The following DNAH14 variants were observed in gnomAD, a reference collection of about 807,000 sequenced individuals.
The protein encoded by DNAH14 is axonemal beta dynein heavy chain 14.
A neutral mutation model predicts 520.9 loss-of-function variants in DNAH14; 478 were observed. The ratio of observed to expected loss-of-function variants is 0.92; its 90% CI spans 0.85 to 0.99. The LOEUF (loss-of-function observed/expected upper bound fraction) is 0.99. Ranked by LOEUF, DNAH14 falls within the 50% of genes least tolerant of loss-of-function variation. The pLI is 0.00. For synonymous variants in DNAH14, 1,581 were observed against 1,757.2 expected (o/e 0.90, Z 2.51); for missense variants, 4,831 against 5,234.5 (o/e 0.92, Z 2.38).
chr1:225,077,565 C>T (rs574724616), intron 17 of DNAH14, among the ~76,000 whole-genome samples: 4 of 152,222 alleles, frequency 2.6e-5, no homozygotes, highest in African/African-American at 9.6e-5. Context: ...TCTACTGACA[C>T]GATCATTCTT....
intron 41 of DNAH14, among the ~76,000 whole-genome samples, chr1:225,212,747 G>A (rs947951541): frequency 1.3e-5 from 2 of 151,974 alleles, no homozygotes; most frequent in African/African-American, 2.4e-5. Flanking sequence ...ACTTTTTGAC[G>A]GGGCTGTTTG....
In DNAH14 at chr1:225,205,995, T is replaced by C. The variant is rs1334152328; in HGVS notation, c.6002T>C (p.Leu2001Pro). 6.4e-7 allele frequency: 1 copy of C among 1,551,608 alleles called. No individual in the cohort carries two copies. Among genetic ancestry groups the C allele is most frequent in the Non-Finnish European group, 8.7e-7 (1 of 1,146,826 alleles). The part of the protein sequence containing the change: ...NHNFDWQWII[L>P]DGPVDTFWVE... ...GATTTTGATTGGCAGTGGATTATCC[T>C]AGATGGCCCAGTGGACACCTTTTGG... Residue 2001 changes from leucine to proline, a missense_variant, in exon 40 of 86, where the codon CTA becomes CCA. Coordinates refer to ENST00000682510, the MANE Select transcript of DNAH14 (RefSeq NM_001367479.1).
intron 10 of DNAH14, among the ~76,000 whole-genome samples, chr1:225,017,593 G>C (rs1381210619): frequency 6.6e-6 from 1 of 152,210 alleles, no homozygotes; most frequent in Non-Finnish European, 1.5e-5. Flanking sequence ...TCCCACCAGA[G>C]CATGGTCACT....
At chr1:224,977,389 A>G (rs2061935817) in intron 8 of DNAH14, among the ~76,000 whole-genome samples, 1 of 151,734 alleles carries the variant, frequency 6.6e-6, no homozygotes, top group Admixed American at 6.6e-5. Context: ...CTAATGCTAA[A>G]TGACAAGTTA....
intron 23 of DNAH14, among the ~76,000 whole-genome samples, chr1:225,103,106 A>G (rs2075669288): frequency 6.6e-6 from 1 of 152,188 alleles, no homozygotes; most frequent in East Asian, 1.9e-4. Flanking sequence ...CTTTCTACAT[A>G]TGGCTAGCCA....
chr1:225,377,597 AAAT>A (rs2095717883), intron 79 of DNAH14, among the ~76,000 whole-genome samples, 161 bp downstream of exon 79: 1 of 152,126 alleles, frequency 6.6e-6, no homozygotes. Flanking sequence ...CTGTCTCTAC[AAAT>A]AATACAAAAA....
intron 1 of DNAH14, among the ~76,000 whole-genome samples, chr1:224,938,890 TG>T (rs1490534621): frequency 6.6e-6 from 1 of 152,118 alleles, no homozygotes; most frequent in Non-Finnish European, 1.5e-5. Context: ...GCAATGTGAA[TG>T]GAACTAGAGG....
At chr1:225,129,704 C>G (rs1321827033) in intron 27 of DNAH14, among the ~76,000 whole-genome samples, 2 of 151,596 alleles carry the variant, frequency 1.3e-5, no homozygotes, top group African/African-American at 2.4e-5. Context: ...AGACCTAAAA[C>G]CATAAAAACC....
chr1:225,050,406 A>G (rs2148303648), intron 16 of DNAH14, 30 bp downstream of exon 16: 1 of 1,511,622 alleles, frequency 6.6e-7, no homozygotes, highest in Non-Finnish European at 8.8e-7. Flanking sequence ...ATTTTAGGAA[A>G]TGTTTAAGGA....
chr1:225,032,872 A>T (rs1457045055), intron 11 of DNAH14, among the ~76,000 whole-genome samples: 1 of 152,082 alleles, frequency 6.6e-6, no homozygotes, highest in Non-Finnish European at 1.5e-5. Flanking sequence ...TGGCTGCTGT[A>T]TGTCTTCTTT....
intron 8 of DNAH14, among the ~76,000 whole-genome samples, chr1:224,975,492 A>G (rs1359945045): frequency 1.3e-5 from 2 of 151,988 alleles, no homozygotes; most frequent in South Asian, 2.1e-4. Flanking sequence ...CATTTCTTCT[A>G]GATTTTCTAG....
At chr1:224,961,297 C>T (rs1572071941) in intron 4 of DNAH14, 2 of 152,202 alleles carry the variant, frequency 1.3e-5, no homozygotes, top group Admixed American at 1.3e-4. Context: ...TGTATCCAGA[C>T]TCCTGACCCA....
intron 10 of DNAH14, among the ~76,000 whole-genome samples, chr1:225,019,497 G>A (rs562684766): frequency 1.3e-5 from 2 of 152,130 alleles, no homozygotes; most frequent in Non-Finnish European, 2.9e-5. Context: ...CCCAATGACA[G>A]CATTAGACAC....
intron 48 of DNAH14, among the ~76,000 whole-genome samples, chr1:225,265,893 A>G (rs2093095777): frequency 6.6e-6 from 1 of 151,712 alleles, no homozygotes. Flanking sequence ...AGTTTGTGAT[A>G]CAAAAGGGGA....
intron 60 of DNAH14, 110 bp from the exon 61 acceptor site, chr1:225,318,473 T>C (rs1284078245): frequency 4.2e-6 from 4 of 950,642 alleles, no homozygotes; most frequent in African/African-American, 1.7e-5. Context: ...GCATAACTTA[T>C]GGGCATTGTA....
chr1:225,240,752 T>C lies in DNAH14; in HGVS notation c.6678T>C (p.Asp2226=), dbSNP rs1047304149. The part of the protein sequence containing the change: ...NIPFCPSLEP[D]SLAKVTYDFD... ...CATTTTGTCCCAGTCTTGAACCTGA[T>C]TCTCTTGCAAAAGTAACATACGATT... The change falls in exon 43 of 86, where the codon GAT becomes GAC. Residue 2226 remains aspartate, a synonymous_variant. Coordinates refer to ENST00000682510, the MANE Select transcript of DNAH14 (RefSeq NM_001367479.1). 1.9e-6 allele frequency: 3 copies of C among 1,550,450 alleles called. No individual in the cohort carries two copies. In the African/African-American group the frequency reaches 4.1e-5, roughly 21 times the overall value.
intron 17 of DNAH14, among the ~76,000 whole-genome samples, chr1:225,075,312 TG>T (rs1482422010): frequency 6.6e-6 from 1 of 152,124 alleles, no homozygotes; most frequent in Non-Finnish European, 1.5e-5. Context: ...TGGGTCGAGT[TG>T]TTTCCTTTAT....
chr1:225,082,465 GA>G (rs920377195), intron 19 of DNAH14, 83 bp from the exon 20 acceptor site: 10 of 1,122,326 alleles, frequency 8.9e-6, no homozygotes, highest in African/African-American at 4.8e-5. Context: ...AAATTTTAAA[GA>G]AAAAAATCTT....
intron 68 of DNAH14, among the ~76,000 whole-genome samples, chr1:225,338,883 A>G (rs1329696033): frequency 6.6e-6 from 1 of 152,184 alleles, no homozygotes; most frequent in East Asian, 1.9e-4. Flanking sequence ...ACTTCTTCCC[A>G]GGAATTCTGA....
Sources: gnomAD v4.1 joint callset for allele counts (sites outside exome capture counted in the v4.1 genomes callset) on GRCh38, gnomAD v4.1.1 for gene constraint, MANE v1.5 for transcripts, NCBI Gene and HGNC (gene_info 2026-07-23, HGNC 2026-07-21) for gene names.